The following FAM135B variants were observed in gnomAD, a reference collection of about 807,000 sequenced individuals.
FAM135B encodes protein FAM135B.
Under a neutral mutation model 127.7 loss-of-function variants are expected in FAM135B, and 43 were observed. That is an observed-to-expected ratio of 0.34 (90% confidence interval 0.26 to 0.43). The LOEUF is 0.43. Among genes scored for constraint, FAM135B ranks in the 20% least tolerant of loss-of-function variants. The pLI, the probability that FAM135B is intolerant of heterozygous loss-of-function variation, is 1.00. For synonymous variants in FAM135B, 670 were observed against 665.1 expected, an observed-to-expected ratio of 1.01 and a Z score of -0.11; for missense variants, 1,558 against 1,725.6, an observed-to-expected ratio of 0.90 and a Z score of 1.72.
rs1435000226 is a variant in FAM135B, at chr8:138,152,287, C to G, written c.2188G>C (p.Gly730Arg). ...CTTGTGTTACTTTCTGTGTGTCCAC[C>G]CTCTAGGGAGTTCCGGTGGAGGGCA... is the stretch of plus-strand genomic sequence containing the variant. ...RHALHRNSLE[G>R]GHTESNTSLP... Residue 730 changes from glycine (G) to arginine (R), a missense_variant, in exon 13 of 20, where the codon GGT (glycine) becomes CGT (arginine). Physicochemically the swap from Gly to Arg is moderately radical, Grantham distance 125 (BLOSUM62 -2). Coordinates refer to ENST00000395297, the MANE Select transcript of FAM135B (RefSeq NM_015912.4). The G allele has an allele frequency of 6.2e-7, 1 of 1,613,912 alleles. No homozygotes were observed. The highest frequency in any genetic ancestry group is 8.5e-7 in the Non-Finnish European group (1 of 1,180,024).
intron 1 of FAM135B, among the ~76,000 whole-genome samples, chr8:138,462,641 C>G (rs1192630396): frequency 6.6e-6 from 1 of 152,130 alleles, no homozygotes; most frequent in Non-Finnish European, 1.5e-5. Flanking sequence ...TAGCTCTTCT[C>G]TGTGTCCATT....
chr8:138,424,516 A>G (rs1456552015), intron 1 of FAM135B, among the ~76,000 whole-genome samples: 1 of 152,218 alleles, frequency 6.6e-6, no homozygotes, highest in Non-Finnish European at 1.5e-5. Flanking sequence ...CCCTTGACAA[A>G]GTAGTTTCTT....
At position 138,152,809 on chromosome 8, in the gene FAM135B, C is replaced by A. The variant is rs538879681; in HGVS notation, c.1666G>T (p.Val556Leu). ...GAGGGGTTCTTATTGCTAGATTTTA[C>A]GTCAATGTAGGTCAGCACTGGGGCC... is the stretch of plus-strand genomic sequence containing the variant. ...GQAPVLTYID[V>L]KSSNKNPSRA... is the part of the protein sequence containing the mutation. The change falls in exon 13 of 20, where the codon GTA becomes TTA. Residue 556 changes from valine (V) to leucine (L), a missense_variant. Val to Leu is a conservative substitution (Grantham distance 32, BLOSUM62 1). Transcript: ENST00000395297. 6.2e-7 allele frequency: 1 copy of A among 1,614,160 alleles called. No homozygotes were observed. The highest frequency in any genetic ancestry group is 1.7e-5 in the Admixed American group (1 of 60,020).
At chr8:138,444,377 C>G (rs1485967327) in intron 1 of FAM135B, among the ~76,000 whole-genome samples, 1 of 152,120 alleles carries the variant, frequency 6.6e-6, no homozygotes, top group Non-Finnish European at 1.5e-5. Context: ...CACACTTATT[C>G]CAAAATTGAC....
intron 3 of FAM135B, among the ~76,000 whole-genome samples, chr8:138,303,170 G>C (rs914314466): frequency 2.0e-5 from 3 of 152,144 alleles, no homozygotes; most frequent in Non-Finnish European, 4.4e-5. Flanking sequence ...CAATAGCAAA[G>C]ACTTGGAACC....
chr8:138,261,537 C>T lies in FAM135B; in HGVS notation c.297+4166G>A, dbSNP rs79836511. 2.6e-5 allele frequency among the ~76,000 whole-genome samples: 4 copies of T among 152,290 alleles called. No individual in the cohort carries two copies. The East Asian group carries it at 7.7e-4, about 29-fold the overall frequency. On this transcript the variant is annotated intron_variant, in intron 4 of 19. Transcript: ENST00000395297. ...TTATTTTCCTGTATGTATTTTTCCT[C>T]CACTCTGCCCCATTCCATTGCTAAC...
At chr8:138,224,410 TAGAG>T (rs1819254723) in intron 7 of FAM135B, among the ~76,000 whole-genome samples, 1 of 152,076 alleles carries the variant, frequency 6.6e-6, no homozygotes, top group African/African-American at 2.4e-5. Context: ...CAAGAGGGGC[TAGAG>T]AGAACCAAGA....
intron 2 of FAM135B, among the ~76,000 whole-genome samples, chr8:138,318,531 A>G (rs2130931520): frequency 6.6e-6 from 1 of 152,308 alleles, no homozygotes; most frequent in Middle Eastern, 3.4e-3. Flanking sequence ...TAGCAGCTCA[A>G]GGGTAAATGA....
intron 2 of FAM135B, among the ~76,000 whole-genome samples, chr8:138,315,817 A>G (rs541499356): frequency 6.6e-6 from 1 of 152,320 alleles, no homozygotes; most frequent in East Asian, 1.9e-4. Flanking sequence ...GAAGTCAAAC[A>G]CGCAGAAAGA....
At chr8:138,433,359 T>C (rs540572801) in intron 1 of FAM135B, among the ~76,000 whole-genome samples, 3 of 151,478 alleles carry the variant, frequency 2.0e-5, no homozygotes, top group Admixed American at 2.0e-4. Context: ...CCGTCTCTAT[T>C]AAAAAAACAA....
chr8:138,380,309 T>C (rs1030506353), intron 1 of FAM135B, among the ~76,000 whole-genome samples: 1 of 152,144 alleles, frequency 6.6e-6, no homozygotes, highest in Non-Finnish European at 1.5e-5. Context: ...GCGATTCTCC[T>C]GCCTCAGCCT....
chr8:138,334,906 G>C (rs1408124701), intron 2 of FAM135B, among the ~76,000 whole-genome samples: 1 of 152,106 alleles, frequency 6.6e-6, no homozygotes, highest in Non-Finnish European at 1.5e-5. Flanking sequence ...TAAGCAATCA[G>C]AAAAAGGTAA....
At chr8:138,494,754 G>A (rs1320639376) in intron 1 of FAM135B, among the ~76,000 whole-genome samples, 2 of 151,590 alleles carry the variant, frequency 1.3e-5, no homozygotes, top group Admixed American at 1.3e-4. Flanking sequence ...TTGGATGAAA[G>A]TAATCCTGCC....
chr8:138,392,611 T>TTC (rs1832642429), intron 1 of FAM135B, among the ~76,000 whole-genome samples: 1 of 152,090 alleles, frequency 6.6e-6, no homozygotes, highest in South Asian at 2.1e-4. Flanking sequence ...AAAAGAACAA[T>TTC]GCTTTAGAAT....
chr8:138,424,428 G>A (rs927134644), intron 1 of FAM135B, among the ~76,000 whole-genome samples: 3 of 152,194 alleles, frequency 2.0e-5, no homozygotes, highest in African/African-American at 7.2e-5. Flanking sequence ...AGAAAGACAT[G>A]TAGATGTATA....
At chr8:138,156,810 C>T (rs1382952408) in intron 12 of FAM135B, among the ~76,000 whole-genome samples, 2 of 152,174 alleles carry the variant, frequency 1.3e-5, no homozygotes, top group South Asian at 2.1e-4. Context: ...GATTAATAGC[C>T]TACCAACCAA....
rs1238535233 is a variant in FAM135B at position 138,130,377 on chromosome 8, A to C, written c.*2216T>G. 2.0e-5 allele frequency: 3 copies of C among 152,178 alleles called. No individual in the cohort carries two copies. Among genetic ancestry groups the C allele is most frequent in the African/African-American group, 4.8e-5 (2 of 41,448 alleles). 9.4% of individuals were successfully genotyped at this position (152,178 alleles called of 1,614,324 possible). ...GATGCTCAGAGGCCAGAGAGGGTTT[A>C]CAAAGACAGCAGAGCACCCCTATAA... On this transcript the variant is annotated 3_prime_UTR_variant, in exon 20 of 20. Coordinates refer to ENST00000395297, the MANE Select transcript of FAM135B (RefSeq NM_015912.4).
intron 2 of FAM135B, among the ~76,000 whole-genome samples, chr8:138,365,152 C>T (rs776392738): frequency 1.2e-4 from 18 of 152,080 alleles, no homozygotes; most frequent in Non-Finnish European, 1.5e-4. Flanking sequence ...TGGCTGATCA[C>T]GTAGCATTTT....
chr8:138,305,493 C>T (rs1445034261), intron 3 of FAM135B, among the ~76,000 whole-genome samples: 2 of 121,090 alleles, frequency 1.7e-5, no homozygotes, highest in African/African-American at 3.3e-5. Flanking sequence ...TCTGTTCACA[C>T]AGACATGGAC....
Sources: allele counts gnomAD v4.1 joint callset (sites outside exome capture counted in the v4.1 genomes callset), GRCh38; gene constraint gnomAD v4.1.1; transcripts MANE v1.5; gene names NCBI Gene and HGNC (gene_info 2026-07-23, HGNC 2026-07-21).